KLF7: variants seen among roughly 807,000 people sequenced by gnomAD.
KLF7 encodes the protein KLF transcription factor 7.
KLF7 carries 2 observed loss-of-function variants against 27.3 expected under a neutral mutation model. The ratio of observed to expected loss-of-function variants is 0.07; its 90% CI spans 0.03 to 0.23. The LOEUF (loss-of-function observed/expected upper bound fraction) is 0.23. KLF7 is among the 10% of genes least tolerant of loss of function. The pLI, the probability that KLF7 is intolerant of heterozygous loss-of-function variation, is 1.00. For synonymous variants in KLF7, 165 were observed against 162.4 expected (o/e 1.02, Z -0.12); for missense variants, 221 against 394.1 (o/e 0.56, Z 3.72).
In KLF7 at chr2:207,077,920, A is replaced by G. The variant is rs1366646620; in HGVS notation, c.*3293T>C. Reference sequence around the variant, plus strand: ...CCGGGTTTTTCCTTTCAAATTTGGGATCCCCTGGAGGGTTAGGAGGTAACA... The same window carrying G: ...CCGGGTTTTTCCTTTCAAATTTGGGGTCCCCTGGAGGGTTAGGAGGTAACA... On this transcript the variant is annotated 3_prime_UTR_variant, in exon 4 of 4. Coordinates refer to ENST00000309446, the MANE Select transcript of KLF7 (RefSeq NM_003709.4). The G allele has an allele frequency of 1.3e-5, 2 of 152,188 alleles. No homozygotes were observed. The highest frequency in any genetic ancestry group is 3.8e-4 in the East Asian group (2 of 5,196). The allele number at this position is 152,188 out of a possible 1,614,324, so 9.4% of individuals were successfully genotyped here.
chr2:207,117,345 TCAC>T (rs975325555), intron 2 of KLF7, among the ~76,000 whole-genome samples: 6 of 152,250 alleles, frequency 3.9e-5, no homozygotes, highest in African/African-American at 1.4e-4. Context: ...CGATTGTTTT[TCAC>T]CACCTCATTT....
chr2:207,147,266 T>C (rs1234844206), intron 1 of KLF7, among the ~76,000 whole-genome samples: 2 of 152,134 alleles, frequency 1.3e-5, no homozygotes, highest in Non-Finnish European at 2.9e-5. Context: ...AAACACAGGA[T>C]AACATAAGTG....
chr2:207,155,990 C>T (rs965836179), intron 1 of KLF7, among the ~76,000 whole-genome samples: 1 of 152,198 alleles, frequency 6.6e-6, no homozygotes, highest in Non-Finnish European at 1.5e-5. Flanking sequence ...GTGAGAACGG[C>T]GTCAAGAGCA....
At chr2:207,097,053 C>A (rs2076647988) in intron 2 of KLF7, among the ~76,000 whole-genome samples, 1 of 152,234 alleles carries the variant, frequency 6.6e-6, no homozygotes, top group Non-Finnish European at 1.5e-5. Context: ...ATCTGCATTT[C>A]TAACAAATTC....
At chr2:207,094,077 T>C (rs1374431648) in intron 2 of KLF7, among the ~76,000 whole-genome samples, 2 of 152,240 alleles carry the variant, frequency 1.3e-5, no homozygotes, top group Admixed American at 6.5e-5. Context: ...TTGTAATGTT[T>C]ATCTCTGAAG....
intron 1 of KLF7, among the ~76,000 whole-genome samples, chr2:207,154,308 AAAT>A (rs1203732422): frequency 6.6e-6 from 1 of 152,238 alleles, no homozygotes; most frequent in Non-Finnish European, 1.5e-5. Flanking sequence ...CTCTTAAAAA[AAAT>A]AACTGCATGC....
At position 207,113,587 on chromosome 2, in the gene KLF7, A is replaced by G. The variant is rs191265047; in HGVS notation, c.733+10187T>C. Among the ~76,000 whole-genome samples, 20 of 117,996 alleles carry G rather than the reference A, an allele frequency of 1.7e-4. No homozygotes were observed. The East Asian group carries it at 5.8e-3, about 34-fold the overall frequency. 77.4% of individuals were successfully genotyped at this position (117,996 alleles called of 152,430 possible). A position where few individuals can be genotyped will look rare whatever the true frequency, so the allele number is the denominator to read the frequency against. On this transcript the variant is annotated intron_variant, in intron 2 of 3. Coordinates refer to ENST00000309446, the MANE Select transcript of KLF7 (RefSeq NM_003709.4). ...CAGAAGTAGCCAATTACCCTCCAGA[A>G]TACAAAGTGGAATGGGGGGTGGGGG...
Position 207,124,237 on chromosome 2 carries a change from C to T in KLF7, c.270G>A (p.Glu90=). The T allele has an allele frequency of 6.2e-7, 1 of 1,614,122 alleles. No individual in the cohort carries two copies. The highest frequency in any genetic ancestry group is 8.5e-7 in the Non-Finnish European group (1 of 1,180,028). ...GCAAGATGTCCACTGCCGAGCTCTTCTCACAGATGGCCGCTTCCACGGGGA... is the reference window on the plus strand; with the variant it reads ...GCAAGATGTCCACTGCCGAGCTCTTTTCACAGATGGCCGCTTCCACGGGGA... The part of the protein sequence containing the change: ...LLLPVEAAIC[E]KSSAVDILLS... Residue 90 remains glutamate, a synonymous_variant, in exon 2 of 4, where the codon GAG becomes GAA. Coordinates refer to ENST00000309446, the MANE Select transcript of KLF7 (RefSeq NM_003709.4).
At chr2:207,113,789 C>T (rs1045706483) in intron 2 of KLF7, among the ~76,000 whole-genome samples, 1 of 152,134 alleles carries the variant, frequency 6.6e-6, no homozygotes, top group Non-Finnish European at 1.5e-5. Flanking sequence ...TCCCCCTCCC[C>T]TTCTCACATT....
chr2:207,157,219 T>TAAAAAAAAAAAAAAAAAAAAG (rs2078408583), intron 1 of KLF7, among the ~76,000 whole-genome samples: 1 of 87,314 alleles, frequency 1.1e-5, no homozygotes, highest in Non-Finnish European at 2.3e-5. Context: ...AACAGAAAAG[T>TAAAAAAAAAAAAAAAAAAAAG]AAAAAAAAAA....
intron 2 of KLF7, among the ~76,000 whole-genome samples, chr2:207,098,778 ATT>A (rs1182598901): frequency 2.9e-5 from 3 of 104,692 alleles, no homozygotes; most frequent in Admixed American, 1.2e-4. Flanking sequence ...CACTTGGCTA[ATT>A]TTTTTTTTTT....
intron 1 of KLF7, among the ~76,000 whole-genome samples, chr2:207,140,806 G>A (rs769457974): frequency 1.3e-5 from 2 of 152,198 alleles, no homozygotes; most frequent in African/African-American, 2.4e-5. Flanking sequence ...AGAAATGTAT[G>A]CTGGTAGAAG....
At position 207,078,458 on chromosome 2, in the gene KLF7, T is replaced by C. The variant is rs1028792954; in HGVS notation, c.*2755A>G. Reference sequence around the variant, plus strand: ...GGAGCAAACAAGCAATGATTACTCTTTTGCATTTTTTAAACTTTCTTTTTA... The same window carrying C: ...GGAGCAAACAAGCAATGATTACTCTCTTGCATTTTTTAAACTTTCTTTTTA... On this transcript the variant is annotated 3_prime_UTR_variant, in exon 4 of 4. Coordinates refer to ENST00000309446, the MANE Select transcript of KLF7 (RefSeq NM_003709.4). 3 of 152,240 alleles carry C rather than the reference T, an allele frequency of 2.0e-5. No individual in the cohort carries two copies. The highest frequency in any genetic ancestry group is 7.2e-5 in the African/African-American group (3 of 41,462). 9.4% of individuals were successfully genotyped at this position (152,240 alleles called of 1,614,324 possible). A position where few individuals can be genotyped will look rare whatever the true frequency, so the allele number is the denominator to read the frequency against.
At chr2:207,144,060 TAACTC>T (rs2078024490) in intron 1 of KLF7, among the ~76,000 whole-genome samples, 1 of 122,414 alleles carries the variant, frequency 8.2e-6, no homozygotes, top group African/African-American at 2.9e-5. Flanking sequence ...ATTAGAGTCT[TAACTC>T]AAGGGAGGCA....
chr2:207,086,574 C>G (rs1449328104), intron 3 of KLF7, among the ~76,000 whole-genome samples: 1 of 152,200 alleles, frequency 6.6e-6, no homozygotes, highest in African/African-American at 2.4e-5. Flanking sequence ...AAGCAAAAGA[C>G]TAACCAAATC....
At chr2:207,116,120 G>A (rs2244166) in intron 2 of KLF7, among the ~76,000 whole-genome samples, 30,015 of 152,162 alleles carry the variant, frequency 0.2, 3,124 homozygotes, top group East Asian at 0.31. Context: ...AGGGTTAGGC[G>A]TTCTCCATTC....
intron 1 of KLF7, among the ~76,000 whole-genome samples, chr2:207,163,464 T>A (rs961948917): frequency 6.6e-6 from 1 of 152,200 alleles, no homozygotes; most frequent in Non-Finnish European, 1.5e-5. Context: ...TAGGAAACAA[T>A]AGATCTAATA....
At chr2:207,127,854 T>A (rs1478317190) in intron 1 of KLF7, among the ~76,000 whole-genome samples, 1 of 151,756 alleles carries the variant, frequency 6.6e-6, no homozygotes, top group African/African-American at 2.4e-5. Context: ...AAAAAAAAAA[T>A]CCCTATGATG....
At chr2:207,116,939 A>G (rs377191522) in intron 2 of KLF7, among the ~76,000 whole-genome samples, 5 of 152,210 alleles carry the variant, frequency 3.3e-5, no homozygotes, top group African/African-American at 1.2e-4. Context: ...TTATGAAACC[A>G]TATTTCAGGC....
Sources: allele counts gnomAD v4.1 joint callset (sites outside exome capture counted in the v4.1 genomes callset), GRCh38; gene constraint gnomAD v4.1.1; transcripts MANE v1.5; gene names NCBI Gene and HGNC (gene_info 2026-07-23, HGNC 2026-07-21).